Variants in VRK2 observed in about 807,000 individuals in gnomAD.
VRK2 encodes the protein serine/threonine-protein kinase VRK2.
VRK2 carries 60 observed loss-of-function variants against 57.6 expected under a neutral mutation model. That is an observed-to-expected ratio of 1.04 (90% confidence interval 0.85 to 1.29). VRK2 has a LOEUF of 1.29. Ranked by LOEUF, VRK2 falls within the 50% of genes most tolerant of loss-of-function variation. The pLI is 0.00. For synonymous variants in VRK2, 231 were observed against 199.2 expected (o/e 1.16, Z -1.35); for missense variants, 705 against 588.1 (o/e 1.20, Z -2.06).
At chr2:58,149,996 C>CTTTTTTTTTTT (rs55783668) in intron 12 of VRK2, among the ~76,000 whole-genome samples, 66 of 108,242 alleles carry the variant, frequency 6.1e-4, no homozygotes, top group Non-Finnish European at 8.7e-4. Context: ...TTTTTCTTTT[C>CTTTTTTTTTTT]TTTTTTTTTT....
chr2:58,157,422 T>C (rs986213540), intron 12 of VRK2, among the ~76,000 whole-genome samples: 1 of 152,188 alleles, frequency 6.6e-6, no homozygotes, highest in Non-Finnish European at 1.5e-5. Flanking sequence ...CTAGTACTTA[T>C]CTACTAGGTG....
At chr2:58,070,188 C>T (rs986651661) in intron 2 of VRK2, among the ~76,000 whole-genome samples, 3 of 152,000 alleles carry the variant, frequency 2.0e-5, no homozygotes, top group Non-Finnish European at 4.4e-5. Flanking sequence ...AACTAGATCT[C>T]ATTAGTTGTG....
At chr2:57,991,465 T>C (rs1051409967) in intron 1 of VRK2, among the ~76,000 whole-genome samples, 5 of 152,110 alleles carry the variant, frequency 3.3e-5, no homozygotes, top group African/African-American at 1.2e-4. Context: ...AATAGTTGTT[T>C]GGACAGATGA....
At chr2:58,015,342 G>T (rs540480171) in intron 1 of VRK2, among the ~76,000 whole-genome samples, 145 of 152,216 alleles carry the variant, frequency 9.5e-4, no homozygotes, top group Non-Finnish European at 1.5e-3. Flanking sequence ...TATAATGTTT[G>T]TTCTGGAGTC....
intron 1 of VRK2, among the ~76,000 whole-genome samples, chr2:57,941,830 C>A (rs1046886222): frequency 4.6e-5 from 7 of 152,168 alleles, no homozygotes; most frequent in Non-Finnish European, 1.0e-4. Flanking sequence ...TCACAGGATA[C>A]CATATCCCCA....
chr2:58,077,943 T>A (rs1040944929), intron 2 of VRK2, among the ~76,000 whole-genome samples: 1 of 152,124 alleles, frequency 6.6e-6, no homozygotes, highest in Non-Finnish European at 1.5e-5. Flanking sequence ...ACTCTTTTTC[T>A]TCTCAGGCCA....
chr2:57,928,643 C>T (rs546062686), intron 1 of VRK2, among the ~76,000 whole-genome samples: 1 of 152,254 alleles, frequency 6.6e-6, no homozygotes, highest in African/African-American at 2.4e-5. Flanking sequence ...TTATTGTAGT[C>T]TTCACAGTCT....
Position 57,934,736 on chromosome 2 carries a change from C to T in VRK2, c.-439+26897C>T, listed in dbSNP as rs569673907. On this transcript the variant is annotated intron_variant, in intron 1 of 15. Transcript: ENST00000417641. ...TTCCTTTGATGGTGTCCCATACCTC[C>T]CATAGCCTTTCTTTATTCCTTCTCA... Among the ~76,000 whole-genome samples the T allele has an allele frequency of 2.6e-5, 4 of 152,206 alleles. No homozygotes were observed. The East Asian group carries it at 5.8e-4, about 22-fold the overall frequency.
intron 7 of VRK2, among the ~76,000 whole-genome samples, chr2:58,116,809 C>G (rs1291874327): frequency 6.6e-6 from 1 of 152,168 alleles, no homozygotes; most frequent in Non-Finnish European, 1.5e-5. Context: ...AGATGGGACA[C>G]GGCTTAGGAG....
intron 1 of VRK2, among the ~76,000 whole-genome samples, chr2:57,978,688 CTTT>C (rs1454525085): frequency 2.7e-5 from 4 of 147,386 alleles, no homozygotes; most frequent in African/African-American, 1.0e-4. Context: ...TTCCTTCCTT[CTTT>C]CTTTCTTTCT....
At chr2:58,127,490 G>A (rs1678546656) in intron 8 of VRK2, among the ~76,000 whole-genome samples, 1 of 152,122 alleles carries the variant, frequency 6.6e-6, no homozygotes. Flanking sequence ...TCTGAAATAT[G>A]ACACATTGCA....
At chr2:57,970,221 C>T (rs1672053847) in intron 1 of VRK2, among the ~76,000 whole-genome samples, 1 of 148,580 alleles carries the variant, frequency 6.7e-6, no homozygotes, top group Non-Finnish European at 1.5e-5. Context: ...CATATATATA[C>T]ACATATATAT....
At chr2:58,137,028 T>C (rs1213173175) in intron 10 of VRK2, among the ~76,000 whole-genome samples, 1 of 131,390 alleles carries the variant, frequency 7.6e-6, no homozygotes, top group Non-Finnish European at 1.5e-5. Context: ...CTCATATGTG[T>C]ATATATATCA....
At chr2:57,978,645 T>A (rs78215939) in intron 1 of VRK2, among the ~76,000 whole-genome samples, 2,741 of 150,794 alleles carry the variant, frequency 0.018, 40 homozygotes, top group Middle Eastern at 0.051. Context: ...CTTTTTTTTT[T>A]TATATATTGG....
chr2:57,990,747 T>C (rs976723238), intron 1 of VRK2, among the ~76,000 whole-genome samples: 1 of 152,162 alleles, frequency 6.6e-6, no homozygotes, highest in Non-Finnish European at 1.5e-5. Flanking sequence ...TACATTTCAA[T>C]AATACTTCGT....
chr2:58,114,755 T>C (rs1441985522), intron 7 of VRK2, among the ~76,000 whole-genome samples: 17 of 152,120 alleles, frequency 1.1e-4, no homozygotes, highest in Admixed American at 1.0e-3. Context: ...TGGTCTGTTA[T>C]CAGACTGTAT....
chr2:57,919,372 A>G (rs1248542854), intron 1 of VRK2, among the ~76,000 whole-genome samples: 1 of 152,090 alleles, frequency 6.6e-6, no homozygotes, highest in South Asian at 2.1e-4. Flanking sequence ...TTTGTTTGCA[A>G]TGCTAAGAAA....
chr2:58,142,032 A>G (rs1430122366), intron 11 of VRK2, among the ~76,000 whole-genome samples: 1 of 152,002 alleles, frequency 6.6e-6, no homozygotes, highest in Non-Finnish European at 1.5e-5. Context: ...TTAACAGAGT[A>G]GTGAATGAAT....
At chr2:58,034,516 C>T (rs1025360896) in intron 3 of VRK2, among the ~76,000 whole-genome samples, 12 of 152,130 alleles carry the variant, frequency 7.9e-5, no homozygotes, top group Middle Eastern at 3.4e-3. Flanking sequence ...TATTTAACAA[C>T]TGTTCCTTCT....
Sources: allele counts gnomAD v4.1 joint callset (sites outside exome capture counted in the v4.1 genomes callset), GRCh38; gene constraint gnomAD v4.1.1; transcripts MANE v1.5; gene names NCBI Gene and HGNC (gene_info 2026-07-23, HGNC 2026-07-21).